Variants in PRUNE2 observed in about 807,000 individuals in gnomAD.
PRUNE2 encodes the protein prune homolog 2 with BCH domain, also known as protein prune homolog 2.
A neutral mutation model predicts 252.0 loss-of-function variants in PRUNE2; 164 were observed. That is an observed-to-expected ratio of 0.65 (90% CI 0.57 to 0.74). The LOEUF (loss-of-function observed/expected upper bound fraction) is 0.74, where lower values mean the gene tolerates loss of function less well. PRUNE2 is among the 30% of genes least tolerant of loss of function. The probability of loss-of-function intolerance (pLI) is 0.00; values close to 1 mark genes in which losing one functional copy is unlikely to be tolerated. For synonymous variants in PRUNE2, 1,292 were observed against 1,350.2 expected (o/e 0.96, Z 0.94); for missense variants, 3,495 against 3,711.0 (o/e 0.94, Z 1.51).
chr9:76,614,297 G>A lies in PRUNE2; in HGVS notation c.*273C>T, dbSNP rs775497226. The stretch of plus-strand genomic sequence containing the variant: ...CTAAGGGACAAAGTATCACTACACC[G>A]TGTTAATGAAGTATTGAAATGGAAG... On this transcript the variant is annotated 3_prime_UTR_variant, in exon 19 of 19. Transcript: ENST00000376718. 11 of 513,990 alleles carry A rather than the reference G, an allele frequency of 2.1e-5. No homozygotes were observed. The highest frequency in any genetic ancestry group is 6.9e-5 in the East Asian group (2 of 28,942). 31.8% of individuals were successfully genotyped at this position (513,990 alleles called of 1,614,324 possible).
At chr9:76,820,915 C>G (rs1404078385) in intron 6 of PRUNE2, among the ~76,000 whole-genome samples, 1 of 152,012 alleles carries the variant, frequency 6.6e-6, no homozygotes, top group Non-Finnish European at 1.5e-5. Flanking sequence ...CTGCAAACAC[C>G]CATAAGTATT....
At chr9:76,660,404 A>G (rs1850846288) in intron 9 of PRUNE2, among the ~76,000 whole-genome samples, 1 of 152,322 alleles carries the variant, frequency 6.6e-6, no homozygotes. Context: ...AATTTATATT[A>G]CCTGAATGAT....
At chr9:76,804,494 G>A (rs145419888) in intron 6 of PRUNE2, among the ~76,000 whole-genome samples, 119 of 152,286 alleles carry the variant, frequency 7.8e-4, no homozygotes, top group African/African-American at 2.8e-3. Context: ...GGAAGAGTGA[G>A]CTATCATCTT....
intron 12 of PRUNE2, among the ~76,000 whole-genome samples, chr9:76,643,744 T>C (rs1843558588): frequency 1.3e-5 from 2 of 152,174 alleles, no homozygotes; most frequent in Admixed American, 1.3e-4. Context: ...TCCTGATACT[T>C]ATGTGGGGGT....
chr9:76,614,634 G>T (rs1313008651), intron 18 of PRUNE2, 34 bp from the exon 19 acceptor site: 1 of 1,550,066 alleles, frequency 6.5e-7, no homozygotes. Context: ...AGAAACATGA[G>T]AAACCAAATG....
intron 6 of PRUNE2, among the ~76,000 whole-genome samples, chr9:76,722,064 C>CT (rs138589380): frequency 0.016 from 2,427 of 151,788 alleles, 55 homozygotes; most frequent in African/African-American, 0.055. Flanking sequence ...CTCTATTGTT[C>CT]TTTTTTATTT....
intron 1 of PRUNE2, among the ~76,000 whole-genome samples, chr9:76,871,388 AT>A (rs1465279725): frequency 1.3e-5 from 2 of 152,190 alleles, no homozygotes; most frequent in Admixed American, 6.5e-5. Flanking sequence ...ATACTATTTC[AT>A]TTTATATCAA....
chr9:76,703,484 T>C lies in PRUNE2; in HGVS notation c.8129A>G (p.Asp2710Gly), dbSNP rs1468808806. The part of the protein sequence containing the change: ...KSKSRGRAGP[D>G]AVTLQAVTHD... ...GGTGACAGCCTGCAACGTAACTGCA[T>C]CCGGGCCAGCCCTGCCTCGGCTCTT... is the stretch of plus-strand genomic sequence containing the variant. Residue 2710 changes from aspartate to glycine, a missense_variant, in exon 9 of 19, where the codon GAT (aspartate) becomes GGT (glycine). By Grantham distance (94) the Asp-to-Gly change is moderately conservative. Transcript: ENST00000376718. 1.9e-6 allele frequency: 3 copies of C among 1,613,292 alleles called. No homozygotes were observed. The highest frequency in any genetic ancestry group is 1.1e-5 in the South Asian group (1 of 91,052).
At chr9:76,779,217 A>G (rs2054113876) in intron 6 of PRUNE2, among the ~76,000 whole-genome samples, 1 of 149,624 alleles carries the variant, frequency 6.7e-6, no homozygotes, top group Admixed American at 6.7e-5. Flanking sequence ...CAATGGACAA[A>G]GTGAAAAACT....
intron 6 of PRUNE2, among the ~76,000 whole-genome samples, chr9:76,795,388 C>G (rs1300624833): frequency 6.6e-6 from 1 of 152,160 alleles, no homozygotes; most frequent in African/African-American, 2.4e-5. Context: ...AGACCCCTGC[C>G]TTTGAGAGGG....
At chr9:76,836,747 CA>C (rs1209235300) in intron 4 of PRUNE2, among the ~76,000 whole-genome samples, 1 of 152,164 alleles carries the variant, frequency 6.6e-6, no homozygotes, top group Non-Finnish European at 1.5e-5. Flanking sequence ...TTAAATCCCC[CA>C]CAAAGCCTGA....
At chr9:76,894,903 G>C (rs941770242) in intron 1 of PRUNE2, among the ~76,000 whole-genome samples, 2 of 152,112 alleles carry the variant, frequency 1.3e-5, no homozygotes. Flanking sequence ...GCGCTTGCCT[G>C]TAATCCCAGC....
intron 4 of PRUNE2, among the ~76,000 whole-genome samples, chr9:76,837,765 C>T (rs2059112010): frequency 7.0e-6 from 1 of 142,864 alleles, no homozygotes; most frequent in African/African-American, 2.7e-5. Context: ...AGTTTCAAAC[C>T]AAATACTATT....
At chr9:76,774,455 T>TTTATTTATTTATTTA (rs1564272539) in intron 6 of PRUNE2, among the ~76,000 whole-genome samples, 5 of 133,372 alleles carry the variant, frequency 3.7e-5, no homozygotes, top group Non-Finnish European at 1.6e-5. Flanking sequence ...CAACCCTTTT[T>TTTATTTATTTATTTA]TTTTTTTTTT....
chr9:76,704,948 G>A lies in PRUNE2; in HGVS notation c.7326C>T (p.Asn2442=). 1 of 1,613,000 alleles carries A rather than the reference G, an allele frequency of 6.2e-7. No individual in the cohort carries two copies. Among genetic ancestry groups the A allele is most frequent in the Non-Finnish European group, 8.5e-7 (1 of 1,179,432 alleles). Residue 2442 remains asparagine (N), a synonymous_variant, in exon 8 of 19, where the codon AAC becomes AAT. Coordinates refer to ENST00000376718, the MANE Select transcript of PRUNE2 (RefSeq NM_015225.3). Reference sequence around the variant, plus strand: ...GCAGTCTGTTTTTGGTCTCAGCCTGGTTTCCCTCACTTCTTCGATCAGGAA... The same window carrying A: ...GCAGTCTGTTTTTGGTCTCAGCCTGATTTCCCTCACTTCTTCGATCAGGAA... ...SALPDRRSEG[N]QAETKNRLPG...
At chr9:76,821,485 G>C (rs977047117) in intron 6 of PRUNE2, among the ~76,000 whole-genome samples, 1 of 152,056 alleles carries the variant, frequency 6.6e-6, no homozygotes, top group Non-Finnish European at 1.5e-5. Flanking sequence ...TTTTCCAGCA[G>C]ACAGATTGGA....
In PRUNE2 at chr9:76,704,017, C is replaced by T; in HGVS notation, c.7596G>A (p.Lys2532=). 1 of 1,613,554 alleles carries T rather than the reference C, an allele frequency of 6.2e-7. No individual in the cohort carries two copies. The highest frequency in any genetic ancestry group is 8.5e-7 in the Non-Finnish European group (1 of 1,179,728). The change falls in exon 9 of 19, where the codon AAG becomes AAA. Residue 2532 remains lysine (K), a synonymous_variant. Transcript: ENST00000376718. ...KEPEQIKSEY[K]EERCTEKNED... is the part of the protein sequence containing the mutation. ...CATTCTTCTCTGTACATCTTTCTTCCTTGTATTCTGATTTTATCTGCTCAG... is the reference window on the plus strand; with the variant it reads ...CATTCTTCTCTGTACATCTTTCTTCTTTGTATTCTGATTTTATCTGCTCAG...
chr9:76,738,501 T>C (rs1441706577), intron 6 of PRUNE2: 1 of 152,196 alleles, frequency 6.6e-6, no homozygotes, highest in Non-Finnish European at 1.5e-5. Context: ...CTGCCAACCA[T>C]AGCACTATCA....
intron 5 of PRUNE2, among the ~76,000 whole-genome samples, chr9:76,824,340 G>A (rs1371952974): frequency 1.3e-5 from 2 of 152,142 alleles, no homozygotes; most frequent in African/African-American, 4.8e-5. Flanking sequence ...AACTAGTTAA[G>A]TAACACCAAA....
Sources: gnomAD v4.1 joint callset for allele counts (sites outside exome capture counted in the v4.1 genomes callset) on GRCh38, gnomAD v4.1.1 for gene constraint, MANE v1.5 for transcripts, NCBI Gene and HGNC (gene_info 2026-07-23, HGNC 2026-07-21) for gene names.